The following FCAR variants were observed in gnomAD, a reference collection of about 807,000 sequenced individuals.
FCAR encodes the protein Fc alpha receptor, also known as immunoglobulin alpha Fc receptor.
FCAR carries 21 observed loss-of-function variants against 27.1 expected under a neutral mutation model. That is an observed-to-expected ratio of 0.77 (90% CI 0.55 to 1.11). The LOEUF is 1.11. FCAR is among the 50% of genes most tolerant of loss of function. FCAR has a pLI of 0.00. For synonymous variants in FCAR, 134 were observed against 135.8 expected (o/e 0.99, Z 0.09); for missense variants, 404 against 358.4 (o/e 1.13, Z -1.03).
chr19:54,883,735 G>T lies in FCAR; in HGVS notation c.71-1500G>T, dbSNP rs747950262. On this transcript the variant is annotated intron_variant, in intron 2 of 4. Coordinates refer to ENST00000355524, the MANE Select transcript of FCAR (RefSeq NM_002000.4). ...TTTAGGAGGCCGAGATGGGCAGATT[G>T]CGAAGTCAGGAGACTGAGACCATCC... Among the ~76,000 whole-genome samples, 6 of 152,064 alleles carry T rather than the reference G, an allele frequency of 3.9e-5. No individual in the cohort carries two copies. In the South Asian group the frequency reaches 6.2e-4, roughly 16 times the overall value.
At position 54,891,265 on chromosome 19, in the gene FCAR, ATATAAT is replaced by A. The variant is rs1212948427; in HGVS notation, c.*1408_*1413del. 1.3e-5 allele frequency: 2 copies of A among 152,162 alleles called. No individual in the cohort carries two copies. Among genetic ancestry groups the A allele is most frequent in the African/African-American group, 4.8e-5 (2 of 41,434 alleles). 9.4% of individuals were successfully genotyped at this position (152,162 alleles called of 1,614,324 possible). A position where few individuals can be genotyped will look rare whatever the true frequency, so the allele number is the denominator to read the frequency against. ...ATTGTCCAGTAGCTTATGTATGAAA[ATATAAT>A]TATAAAATGTAAGGGTCCTACTTCC... On this transcript the variant is annotated 3_prime_UTR_variant, in exon 5 of 5. Transcript: ENST00000355524.
intron 2 of FCAR, among the ~76,000 whole-genome samples, chr19:54,884,281 C>A (rs979930667): frequency 1.3e-5 from 2 of 152,254 alleles, no homozygotes; most frequent in African/African-American, 4.8e-5. Flanking sequence ...CGGCACCCGA[C>A]TGCTCTGGGG....
At chr19:54,875,678 G>A (rs2066053896) in intron 2 of FCAR, among the ~76,000 whole-genome samples, 1 of 152,178 alleles carries the variant, frequency 6.6e-6, no homozygotes, top group Non-Finnish European at 1.5e-5. Flanking sequence ...CCTTCCTTAT[G>A]CTGATTCTAT....
chr19:54,875,278 T>C, intron 1 of FCAR, 52 bp from the exon 2 acceptor site: 1 of 1,533,656 alleles, frequency 6.5e-7, no homozygotes, highest in Middle Eastern at 1.7e-4. Context: ...GGGTGATTTG[T>C]CGTAAAGGTT....
At position 54,890,335 on chromosome 19, in the gene FCAR, TG is replaced by T. The variant is rs1347258548; in HGVS notation, c.*474del. On this transcript the variant is annotated 3_prime_UTR_variant, in exon 5 of 5. Transcript: ENST00000355524. ...CACCCACCTTTCTGCACATAAGTTA[TG>T]GTTTTCCATCTTATCTGTCTTCTGA... The T allele has an allele frequency of 1.3e-5, 2 of 153,756 alleles. No homozygotes were observed. The highest frequency in any genetic ancestry group is 1.3e-4 in the Admixed American group (2 of 15,310). 9.5% of individuals were successfully genotyped at this position (153,756 alleles called of 1,614,324 possible). A position where few individuals can be genotyped will look rare whatever the true frequency, so the allele number is the denominator to read the frequency against.
chr19:54,878,869 T>G, intron 2 of FCAR, among the ~76,000 whole-genome samples: 1 of 133,998 alleles, frequency 7.5e-6, no homozygotes, highest in East Asian at 2.3e-4. Context: ...TAATGTTGAG[T>G]CTTGCTTTTT....
Position 54,885,865 on chromosome 19 carries a change from A to G in FCAR, c.361+340A>G, listed in dbSNP as rs1358413127. ...GGTGGCTCACGCCTGTAATCCCAAC[A>G]CTTAGGGAAGCCGAGGCGGGTGGAT... On this transcript the variant is annotated intron_variant, in intron 3 of 4. Coordinates refer to ENST00000355524, the MANE Select transcript of FCAR (RefSeq NM_002000.4). Among the ~76,000 whole-genome samples the G allele has an allele frequency of 2.6e-5, 4 of 151,940 alleles. 1 individual carries two copies. Among genetic ancestry groups the G allele is most frequent in the Admixed American group, 2.6e-4 (4 of 15,262 alleles).
chr19:54,880,363 G>A lies in FCAR; in HGVS notation c.71-4872G>A, dbSNP rs587771861. ...TATTTTGCCATTAATACTTGTGATC[G>A]CATTATGAAATCTCGTAGTGTGTTT... On this transcript the variant is annotated intron_variant, in intron 2 of 4. Transcript: ENST00000355524. 2.3e-4 allele frequency among the ~76,000 whole-genome samples: 35 copies of A among 152,108 alleles called. No individual in the cohort carries two copies. In the South Asian group the frequency reaches 5.0e-3, roughly 22 times the overall value.
intron 2 of FCAR, among the ~76,000 whole-genome samples, 176 bp downstream of exon 2, chr19:54,875,541 C>T (rs978980473): frequency 1.3e-5 from 2 of 152,182 alleles, no homozygotes; most frequent in African/African-American, 4.8e-5. Context: ...ACCCTTCAGA[C>T]TCATTAATGC....
rs2066864897 is a variant in FCAR, at chr19:54,888,190, C to A, written c.545C>A (p.Pro182His). The change falls in exon 4 of 5, where the codon CCT becomes CAT. Residue 182 changes from proline (P) to histidine (H), a missense_variant. Coordinates refer to ENST00000355524, the MANE Select transcript of FCAR (RefSeq NM_002000.4). ...GEHPANFSLG[P>H]VDLNVSGIYR... ...CACCCGGCCAACTTCTCTTTGGGTC[C>A]TGTGGACCTCAATGTCTCAGGGATC... is the stretch of plus-strand genomic sequence containing the variant. The A allele has an allele frequency of 5.0e-6, 8 of 1,614,146 alleles. No homozygotes were observed. Among genetic ancestry groups the A allele is most frequent in the Non-Finnish European group, 6.8e-6 (8 of 1,180,000 alleles).
intron 3 of FCAR, 85 bp from the exon 4 acceptor site, chr19:54,887,922 A>C (rs2066834919): frequency 1.7e-6 from 2 of 1,153,768 alleles, no homozygotes; most frequent in Non-Finnish European, 2.4e-6. Flanking sequence ...CATCTCAAAA[A>C]AATATATAAT....
intron 2 of FCAR, among the ~76,000 whole-genome samples, chr19:54,878,192 C>T (rs2066207547): frequency 6.6e-6 from 1 of 152,196 alleles, no homozygotes; most frequent in Non-Finnish European, 1.5e-5. Flanking sequence ...GCTGGGATTA[C>T]AGGTGTGAGC....
chr19:54,889,622 A>G (rs1255430501), intron 4 of FCAR, 27 bp from the exon 5 acceptor site: 4 of 1,580,684 alleles, frequency 2.5e-6, no homozygotes, highest in Non-Finnish European at 3.5e-6. Flanking sequence ...ACCACCAACC[A>G]TTCATCTCCT....
In FCAR at chr19:54,889,814, T is replaced by A; in HGVS notation, c.815T>A (p.Met272Lys). Residue 272 changes from methionine (M) to lysine (K), a missense_variant, in exon 5 of 5, where the codon ATG (methionine) becomes AAG (lysine). Transcript: ENST00000355524. ...DVAEPSWSQQ[M>K]CQPGLTFART... ...GCTGAACCGAGCTGGAGCCAACAGA[T>A]GTGTCAGCCAGGATTGACCTTTGCA... 6.2e-7 allele frequency: 1 copy of A among 1,610,934 alleles called. No homozygotes were observed.
At chr19:54,875,031 C>T (rs1043026050) in intron 1 of FCAR, among the ~76,000 whole-genome samples, 11 of 151,984 alleles carry the variant, frequency 7.2e-5, no homozygotes, top group Non-Finnish European at 1.2e-4. Flanking sequence ...ATTAGCCAGG[C>T]GTGGTGGCGG....
intron 2 of FCAR, among the ~76,000 whole-genome samples, chr19:54,878,644 T>G (rs1279640503): frequency 6.6e-6 from 1 of 152,086 alleles, no homozygotes; most frequent in Non-Finnish European, 1.5e-5. Flanking sequence ...GCTATGGTCT[T>G]CATGTTGAAT....
chr19:54,887,813 A>G (rs2066826734), intron 3 of FCAR, among the ~76,000 whole-genome samples, 194 bp from the exon 4 acceptor site: 1 of 152,048 alleles, frequency 6.6e-6, no homozygotes, highest in African/African-American at 2.4e-5. Flanking sequence ...GTTTCTCGGG[A>G]GGCTGAGGCA....
At position 54,888,040 on chromosome 19, in the gene FCAR, G is replaced by A. The variant is rs764454387; in HGVS notation, c.395G>A (p.Arg132Gln). Reference protein sequence around the residue: ...LYGKPFLSADRGLVLMPGENI... With the variant: ...LYGKPFLSADQGLVLMPGENI... ...GGCAAACCCTTCCTCTCTGCAGATC[G>A]GGGTCTGGTGTTGATGCCAGGAGAG... is the stretch of plus-strand genomic sequence containing the variant. Residue 132 changes from arginine to glutamine, a missense_variant, in exon 4 of 5, where the codon CGG (arginine) becomes CAG (glutamine). Physicochemically the swap from Arg to Gln is conservative, Grantham distance 43. Transcript: ENST00000355524. 16 of 1,613,810 alleles carry A rather than the reference G, an allele frequency of 9.9e-6. No individual in the cohort carries two copies. In the Admixed American group the frequency reaches 1.2e-4, roughly 12 times the overall value.
At chr19:54,878,502 A>C (rs1227290374) in intron 2 of FCAR, among the ~76,000 whole-genome samples, 2 of 151,856 alleles carry the variant, frequency 1.3e-5, no homozygotes, top group African/African-American at 4.8e-5. Context: ...CTTCCATGTT[A>C]GGTGCATATA....
Sources: allele counts gnomAD v4.1 joint callset (sites outside exome capture counted in the v4.1 genomes callset), GRCh38; gene constraint gnomAD v4.1.1; transcripts MANE v1.5; gene names NCBI Gene and HGNC (gene_info 2026-07-23, HGNC 2026-07-21).